Variants in FUT8 observed in about 807,000 individuals in gnomAD.
FUT8 encodes alpha-(1,6)-fucosyltransferase.
Under a neutral mutation model 71.3 loss-of-function variants are expected in FUT8, and 29 were observed. The ratio of observed to expected loss-of-function variants is 0.41; its 90% confidence interval spans 0.30 to 0.55. The LOEUF (loss-of-function observed/expected upper bound fraction) is 0.55, where lower values mean the gene tolerates loss of function less well. FUT8 is among the 20% of genes least tolerant of loss of function. FUT8 has a pLI of 0.34. For synonymous variants in FUT8, 254 were observed against 239.3 expected (o/e 1.06, Z -0.57); for missense variants, 544 against 702.1 (o/e 0.77, Z 2.55).
chr14:65,636,740 T>C (rs1890578315), intron 6 of FUT8: 1 of 152,182 alleles, frequency 6.6e-6, no homozygotes, highest in Non-Finnish European at 1.5e-5. Flanking sequence ...TTTATTAACC[T>C]GTATATTGGT....
At chr14:65,645,164 G>A (rs1161316183) in intron 6 of FUT8, among the ~76,000 whole-genome samples, 1 of 152,178 alleles carries the variant, frequency 6.6e-6, no homozygotes, top group East Asian at 1.9e-4. Flanking sequence ...TGATTTGGGT[G>A]TTACAAATAA....
intron 1 of FUT8, among the ~76,000 whole-genome samples, chr14:65,423,365 C>T (rs1420949891): frequency 2.0e-5 from 3 of 151,358 alleles, no homozygotes; most frequent in African/African-American, 7.3e-5. Context: ...AGGTTCACGC[C>T]ATTCTCCTGC....
chr14:65,392,923 C>T, the FUT8 span, among the ~76,000 whole-genome samples: 33 of 152,090 alleles, frequency 2.2e-4, no homozygotes, highest in African/African-American at 5.8e-4. Context: ...ATGTCCCAGG[C>T]GATACCTGGG....
At chr14:65,608,595 A>G (rs1001843413) in intron 3 of FUT8, among the ~76,000 whole-genome samples, 2 of 151,982 alleles carry the variant, frequency 1.3e-5, no homozygotes, top group Non-Finnish European at 2.9e-5. Flanking sequence ...TGTTTGAATA[A>G]AGATTTTCAT....
At chr14:65,542,243 G>A (rs544435300) in intron 2 of FUT8, among the ~76,000 whole-genome samples, 4 of 152,222 alleles carry the variant, frequency 2.6e-5, no homozygotes, top group East Asian at 3.9e-4. Context: ...ATGCAGGTTC[G>A]GATATGTCCT....
At chr14:65,391,177 C>A in the FUT8 span, among the ~76,000 whole-genome samples, 1 of 152,288 alleles carries the variant, frequency 6.6e-6, no homozygotes, top group East Asian at 1.9e-4. Flanking sequence ...TATAATCTAA[C>A]CCCCCATATT....
At chr14:65,525,350 T>G (rs1324177561) in intron 2 of FUT8, among the ~76,000 whole-genome samples, 1 of 152,200 alleles carries the variant, frequency 6.6e-6, no homozygotes, top group Non-Finnish European at 1.5e-5. Context: ...TTTATTTGCA[T>G]AGAGGTGTTT....
At position 65,613,607 on chromosome 14, in the gene FUT8, C is replaced by A. The variant is rs977793243; in HGVS notation, c.204-2371C>A. Among the ~76,000 whole-genome samples the A allele has an allele frequency of 3.3e-5, 5 of 152,142 alleles. No homozygotes were observed. The South Asian group carries it at 1.0e-3, about 31-fold the overall frequency. On this transcript the variant is annotated intron_variant, in intron 3 of 10. Transcript: ENST00000673929. Reference sequence around the variant, plus strand: ...GACACTCATGATTGGAGGATAGTTACTTTTTATGCTCCTGTTCAATGTTAA... The same window carrying A: ...GACACTCATGATTGGAGGATAGTTAATTTTTATGCTCCTGTTCAATGTTAA...
chr14:65,447,397 T>G (rs1429166967), intron 1 of FUT8, among the ~76,000 whole-genome samples: 2 of 152,098 alleles, frequency 1.3e-5, no homozygotes, highest in Non-Finnish European at 2.9e-5. Context: ...CAAGGCGCAG[T>G]GTAATCATTG....
chr14:65,508,311 C>A (rs11850095), intron 2 of FUT8, among the ~76,000 whole-genome samples: 4 of 151,848 alleles, frequency 2.6e-5, no homozygotes, highest in African/African-American at 9.7e-5. Flanking sequence ...TGAGCTCAAT[C>A]TGCCTGCCTC....
At chr14:65,625,299 T>TA (rs1405806007) in intron 5 of FUT8, among the ~76,000 whole-genome samples, 2 of 152,158 alleles carry the variant, frequency 1.3e-5, no homozygotes, top group African/African-American at 4.8e-5. Context: ...CTATTATAGT[T>TA]AAAGACTTTT....
At chr14:65,520,599 A>C (rs1267596508) in intron 2 of FUT8, among the ~76,000 whole-genome samples, 3 of 152,116 alleles carry the variant, frequency 2.0e-5, no homozygotes, top group Non-Finnish European at 4.4e-5. Context: ...ATTTTTTTAG[A>C]AATGTTATAG....
chr14:65,414,017 T>C (rs2065182188), intron 1 of FUT8, among the ~76,000 whole-genome samples: 1 of 152,142 alleles, frequency 6.6e-6, no homozygotes, highest in Non-Finnish European at 1.5e-5. Context: ...ATATAATATA[T>C]AGATTGAGGC....
chr14:65,617,158 C>T, intron 5 of FUT8: 1 of 1,583,924 alleles, frequency 6.3e-7, no homozygotes, highest in Non-Finnish European at 8.5e-7. Context: ...GCACAACCTA[C>T]TACTGTGAAG....
intron 10 of FUT8, among the ~76,000 whole-genome samples, chr14:65,734,861 A>G (rs1213038628): frequency 1.3e-5 from 2 of 152,168 alleles, no homozygotes; most frequent in African/African-American, 2.4e-5. Context: ...CCAAAGCACT[A>G]TTTTAGACCA....
At chr14:65,600,327 C>T (rs1888228381) in intron 3 of FUT8, among the ~76,000 whole-genome samples, 1 of 152,098 alleles carries the variant, frequency 6.6e-6, no homozygotes, top group Non-Finnish European at 1.5e-5. Flanking sequence ...CTTCTTTTTC[C>T]TCCTAGCTCT....
At chr14:65,507,865 T>A (rs1233745363) in intron 2 of FUT8, among the ~76,000 whole-genome samples, 1 of 152,182 alleles carries the variant, frequency 6.6e-6, no homozygotes, top group Non-Finnish European at 1.5e-5. Flanking sequence ...TTAGTTTTTT[T>A]AAGGAACGTC....
intron 2 of FUT8, among the ~76,000 whole-genome samples, chr14:65,516,945 C>T (rs1022192128): frequency 6.6e-6 from 1 of 150,586 alleles, no homozygotes; most frequent in South Asian, 2.1e-4. Flanking sequence ...CTAAGTATCT[C>T]GTATGAGTGG....
chr14:65,499,708 G>A lies in FUT8; in HGVS notation c.-228+43990G>A, dbSNP rs1765689922. On this transcript the variant is annotated intron_variant, in intron 2 of 10. Transcript: ENST00000673929. ...TGTGCCTGTAGTCTCAGCTACATGGGAGGCTGAGGCAGGAGGATTGCTTGA... is the reference window on the plus strand; with the variant it reads ...TGTGCCTGTAGTCTCAGCTACATGGAAGGCTGAGGCAGGAGGATTGCTTGA... Among the ~76,000 whole-genome samples the A allele has an allele frequency of 2.0e-5, 3 of 151,846 alleles. No homozygotes were observed. In the South Asian group the frequency reaches 6.2e-4, roughly 32 times the overall value.
Sources: allele counts gnomAD v4.1 joint callset (sites outside exome capture counted in the v4.1 genomes callset), GRCh38; gene constraint gnomAD v4.1.1; transcripts MANE v1.5; gene names NCBI Gene and HGNC (gene_info 2026-07-23, HGNC 2026-07-21).